UGDH: variants seen among roughly 807,000 people sequenced by gnomAD.
UGDH encodes UDP-glucose 6-dehydrogenase.
UGDH carries 38 observed loss-of-function variants against 50.6 expected under a neutral mutation model. The observed-to-expected ratio is 0.75, with a 90% CI of 0.58 to 0.98. The LOEUF is 0.98. Among genes scored for constraint, UGDH ranks in the 50% least tolerant of loss-of-function variants. The pLI, the probability that UGDH is intolerant of heterozygous loss-of-function variation, is 0.00. For missense variants in UGDH, 465 were observed against 606.2 expected (o/e 0.77, Z 2.45); for synonymous variants, 168 against 199.9 (o/e 0.84, Z 1.35).
intron 11 of UGDH, among the ~76,000 whole-genome samples, chr4:39,501,040 C>T (rs972775507): frequency 6.6e-6 from 1 of 151,728 alleles, no homozygotes; most frequent in African/African-American, 2.4e-5. Flanking sequence ...TCTTGGCTCA[C>T]TGCAACCTCT....
At position 39,510,789 on chromosome 4, in the gene UGDH, C is replaced by T; in HGVS notation, c.337G>A (p.Ala113Thr). 6.2e-7 allele frequency: 1 copy of T among 1,614,226 alleles called. No individual in the cohort carries two copies. Among genetic ancestry groups the T allele is most frequent in the South Asian group, 1.1e-5 (1 of 91,078 alleles). ...TTTGAGTTTTGCACAATGCGTCTAG[C>T]ACAAGCTTCAATATACTTCAGATCT... The part of the protein sequence containing the change: ...AADLKYIEAC[A>T]RRIVQNSNGY... The change falls in exon 4 of 12, where the codon GCT becomes ACT. Residue 113 changes from alanine (A) to threonine (T), a missense_variant. Ala to Thr is a moderately conservative substitution (Grantham distance 58). Coordinates refer to ENST00000316423, the MANE Select transcript of UGDH (RefSeq NM_003359.4).
chr4:39,501,168 A>T (rs1375458086), intron 11 of UGDH, among the ~76,000 whole-genome samples: 1 of 149,470 alleles, frequency 6.7e-6, no homozygotes, highest in East Asian at 2.0e-4. Flanking sequence ...GGGTTTCACT[A>T]TGTTGGCCAA....
chr4:39,508,745 A>G, intron 6 of UGDH, 85 bp from the exon 7 acceptor site: 6 of 1,142,690 alleles, frequency 5.3e-6, no homozygotes, highest in Non-Finnish European at 7.4e-6. Context: ...ACTAAATCAG[A>G]AAGCTTATAC....
At chr4:39,516,791 G>A (rs998070642) in intron 2 of UGDH, among the ~76,000 whole-genome samples, 1 of 152,120 alleles carries the variant, frequency 6.6e-6, no homozygotes, top group African/African-American at 2.4e-5. Flanking sequence ...TCACAGTAAT[G>A]GGTTTCCTTG....
chr4:39,504,736 A>C (rs954575476), intron 9 of UGDH, among the ~76,000 whole-genome samples: 1 of 152,222 alleles, frequency 6.6e-6, no homozygotes, highest in African/African-American at 2.4e-5. Flanking sequence ...TATGCTGGAC[A>C]AAGGAATGAT....
At chr4:39,511,796 G>C (rs1426103636) in intron 3 of UGDH, among the ~76,000 whole-genome samples, 2 of 148,622 alleles carry the variant, frequency 1.3e-5, no homozygotes, top group African/African-American at 5.0e-5. Context: ...TGCAATCTCT[G>C]CTTCCTGGGT....
At position 39,521,623 on chromosome 4, in the gene UGDH, T is replaced by C. The variant is rs568933984; in HGVS notation, c.-7-104A>G. On this transcript the variant is annotated intron_variant, in intron 1 of 11. Coordinates refer to ENST00000316423, the MANE Select transcript of UGDH (RefSeq NM_003359.4). ...TTATAAAAACTGTCAAGGTGACAGA[T>C]ATCTGGAAAGATTTCCTACATTCGC... 2.6e-5 allele frequency: 25 copies of C among 969,392 alleles called. 1 individual carries two copies. In the South Asian group the frequency reaches 5.0e-4, roughly 19 times the overall value. 60.0% of individuals were successfully genotyped at this position (969,392 alleles called of 1,614,324 possible).
rs187988824 is a variant in UGDH at position 39,501,563 on chromosome 4, G to A, written c.1375-1310C>T. On this transcript the variant is annotated intron_variant, in intron 11 of 11. Coordinates refer to ENST00000316423, the MANE Select transcript of UGDH (RefSeq NM_003359.4). ...GCTGGGATTACAGGCGTGAGCCACC[G>A]CACCCGGCCAGCATAATTCTTAAGA... Among the ~76,000 whole-genome samples, 16 of 152,210 alleles carry A rather than the reference G, an allele frequency of 1.1e-4. No homozygotes were observed. The East Asian group carries it at 1.2e-3, about 11-fold the overall frequency.
Position 39,510,508 on chromosome 4 carries a change from T to C in UGDH, c.508A>G (p.Lys170Glu), listed in dbSNP as rs1746201507. ...ACTCTGTCTGGGTTCTTTAGGTCCT[T>C]GATGGCTGTTCCCTCTGCCAGAAAC... ...PEFLAEGTAI[K>E]DLKNPDRVLI... The change falls in exon 5 of 12, where the codon AAG becomes GAG. Residue 170 changes from lysine (K) to glutamate (E), a missense_variant. Coordinates refer to ENST00000316423, the MANE Select transcript of UGDH (RefSeq NM_003359.4). The C allele has an allele frequency of 1.2e-6, 2 of 1,614,194 alleles. No individual in the cohort carries two copies. Among genetic ancestry groups the C allele is most frequent in the East Asian group, 2.2e-5 (1 of 44,886 alleles).
intron 10 of UGDH, among the ~76,000 whole-genome samples, 188 bp downstream of exon 10, chr4:39,504,229 A>AC (rs1333174349): frequency 6.6e-6 from 1 of 151,848 alleles, no homozygotes; most frequent in East Asian, 1.9e-4. Flanking sequence ...AATGGCGTGA[A>AC]CCCAGGAGGC....
At chr4:39,514,641 G>A (rs1185557797) in intron 2 of UGDH, among the ~76,000 whole-genome samples, 1 of 151,656 alleles carries the variant, frequency 6.6e-6, no homozygotes, top group African/African-American at 2.4e-5. Flanking sequence ...AAAGTGCTGG[G>A]ATTATAGGAG....
At chr4:39,503,783 A>T in intron 11 of UGDH, 92 bp downstream of exon 11, 1 of 1,083,340 alleles carries the variant, frequency 9.2e-7, no homozygotes, top group East Asian at 2.6e-5. Flanking sequence ...TGGTCTTTTG[A>T]TGTCAACTTG....
At chr4:39,504,348 A>G in intron 10 of UGDH, 69 bp downstream of exon 10, 1 of 1,409,750 alleles carries the variant, frequency 7.1e-7, no homozygotes, top group Non-Finnish European at 1.0e-6. Context: ...ATACATGAAC[A>G]CATACTCAAC....
intron 11 of UGDH, 147 bp from the exon 12 acceptor site, chr4:39,500,400 G>A: frequency 1.9e-6 from 1 of 532,096 alleles, no homozygotes; most frequent in Non-Finnish European, 3.4e-6. Flanking sequence ...AGAGATCTTT[G>A]GTTTCTTCCC....
At chr4:39,521,227 A>G in intron 2 of UGDH, 124 bp downstream of exon 2, 2 of 1,020,464 alleles carry the variant, frequency 2.0e-6, no homozygotes, top group Non-Finnish European at 2.7e-6. Flanking sequence ...TTGTATCCAG[A>G]TTTTTTTCAT....
intron 2 of UGDH, among the ~76,000 whole-genome samples, chr4:39,515,937 C>T (rs1308533713): frequency 3.3e-5 from 5 of 151,960 alleles, no homozygotes; most frequent in African/African-American, 4.8e-5. Context: ...TGGCCTTAAG[C>T]GATCCACCCG....
intron 2 of UGDH, among the ~76,000 whole-genome samples, chr4:39,518,632 A>G (rs1205819631): frequency 2.6e-5 from 4 of 151,518 alleles, no homozygotes; most frequent in Admixed American, 1.3e-4. Context: ...AAAAAAAAAA[A>G]AAAAAGAAAA....
Position 39,510,697 on chromosome 4 carries a change from T to C in UGDH, c.429A>G (p.Ile143Met). 6.2e-7 allele frequency: 1 copy of C among 1,614,260 alleles called. No homozygotes were observed. The highest frequency in any genetic ancestry group is 8.5e-7 in the Non-Finnish European group (1 of 1,180,042). Residue 143 changes from isoleucine (I) to methionine (M), a missense_variant, in exon 4 of 12, where the codon ATA (isoleucine) becomes ATG (methionine). Ile to Met is a conservative substitution (Grantham distance 10). Coordinates refer to ENST00000316423, the MANE Select transcript of UGDH (RefSeq NM_003359.4). ...AGTTGGGTTTTGTGTTTGCATCAAATATGCGACGGATACTTTCTGCTGCCC... is the reference window on the plus strand; with the variant it reads ...AGTTGGGTTTTGTGTTTGCATCAAACATGCGACGGATACTTTCTGCTGCCC... ...PVRAAESIRR[I>M]FDANTKPNLN... is the part of the protein sequence containing the mutation.
At chr4:39,524,606 G>A (rs139684992) in intron 1 of UGDH, among the ~76,000 whole-genome samples, 155 of 151,774 alleles carry the variant, frequency 1.0e-3, no homozygotes, top group African/African-American at 3.6e-3. Context: ...AGGTTCAAGT[G>A]AGTCTCCCAC....
Sources: allele counts gnomAD v4.1 joint callset (sites outside exome capture counted in the v4.1 genomes callset), GRCh38; gene constraint gnomAD v4.1.1; transcripts MANE v1.5; gene names NCBI Gene and HGNC (gene_info 2026-07-23, HGNC 2026-07-21).